Variants in TMEM132D observed in about 807,000 individuals in gnomAD.
TMEM132D encodes the protein mature OL transmembrane protein.
In TMEM132D, 21 loss-of-function variants were observed where a neutral mutation model predicts 62.3. That is an observed-to-expected ratio of 0.34 (90% CI 0.24 to 0.49). The LOEUF (loss-of-function observed/expected upper bound fraction) is 0.49, where lower values mean the gene tolerates loss of function less well. Among genes scored for constraint, TMEM132D ranks in the 20% least tolerant of loss-of-function variants. The pLI, the probability that TMEM132D is intolerant of heterozygous loss-of-function variation, is 0.99. For synonymous variants in TMEM132D, 621 were observed against 575.6 expected (o/e 1.08, Z -1.13); for missense variants, 1,346 against 1,402.8 (o/e 0.96, Z 0.65).
chr12:129,818,206 A>G (rs973029431), intron 1 of TMEM132D, among the ~76,000 whole-genome samples: 4 of 129,116 alleles, frequency 3.1e-5, no homozygotes, highest in African/African-American at 1.2e-4. Context: ...GTGTGTGCCT[A>G]TGAGTGTGTA....
intron 5 of TMEM132D, among the ~76,000 whole-genome samples, chr12:129,143,138 C>T (rs1271179017): frequency 6.6e-6 from 1 of 152,122 alleles, no homozygotes; most frequent in Non-Finnish European, 1.5e-5. Context: ...ACTGTCCTCT[C>T]CTTCCCACCA....
intron 3 of TMEM132D, among the ~76,000 whole-genome samples, chr12:129,349,941 G>A (rs976968774): frequency 3.9e-5 from 6 of 152,170 alleles, no homozygotes; most frequent in Admixed American, 6.5e-5. Context: ...ACTTGGCATG[G>A]AGGTCAGTCT....
chr12:129,380,745 G>T (rs1593357977), intron 3 of TMEM132D, among the ~76,000 whole-genome samples: 1 of 151,814 alleles, frequency 6.6e-6, no homozygotes, highest in South Asian at 2.1e-4. Context: ...CCTAATCCCT[G>T]GCAACCGCTA....
intron 3 of TMEM132D, among the ~76,000 whole-genome samples, chr12:129,382,320 T>G (rs146643607): frequency 3.9e-4 from 59 of 152,342 alleles, no homozygotes; most frequent in African/African-American, 1.4e-3. Context: ...TCCATTAAGT[T>G]GACAAGGAGT....
chr12:129,258,986 A>G (rs58030936), intron 4 of TMEM132D, among the ~76,000 whole-genome samples: 3,831 of 152,222 alleles, frequency 0.025, 161 homozygotes, highest in African/African-American at 0.087. Context: ...GATGTGAGAT[A>G]ATGAGGTAAG....
intron 4 of TMEM132D, among the ~76,000 whole-genome samples, chr12:129,314,018 T>C (rs1868399129): frequency 6.6e-6 from 1 of 152,178 alleles, no homozygotes; most frequent in Non-Finnish European, 1.5e-5. Context: ...CTTTTGAGAA[T>C]TGTCTATTCA....
intron 2 of TMEM132D, among the ~76,000 whole-genome samples, chr12:129,543,872 T>C (rs1391459597): frequency 6.6e-6 from 1 of 152,222 alleles, no homozygotes; most frequent in Non-Finnish European, 1.5e-5. Context: ...CTGAGCAAAA[T>C]CTGCTTGACT....
intron 5 of TMEM132D, among the ~76,000 whole-genome samples, chr12:129,087,269 C>T (rs1464251735): frequency 6.6e-6 from 1 of 151,952 alleles, no homozygotes; most frequent in Non-Finnish European, 1.5e-5. Flanking sequence ...GTCATGTCCT[C>T]CAGGTTCATC....
chr12:129,178,764 A>G (rs1439613250), intron 5 of TMEM132D, among the ~76,000 whole-genome samples: 1 of 152,168 alleles, frequency 6.6e-6, no homozygotes, highest in Non-Finnish European at 1.5e-5. Flanking sequence ...CTCCATGCCT[A>G]TGTATACATG....
intron 1 of TMEM132D, among the ~76,000 whole-genome samples, chr12:129,721,530 A>G (rs1012919497): frequency 2.0e-5 from 3 of 152,148 alleles, no homozygotes; most frequent in Non-Finnish European, 2.9e-5. Context: ...GGGAGGGGCC[A>G]GTGGGCAGAG....
chr12:129,151,179 T>C lies in TMEM132D; in HGVS notation c.1443+58341A>G, dbSNP rs114406619. On this transcript the variant is annotated intron_variant, in intron 5 of 8. Transcript: ENST00000422113. ...GTCCTAATGCAGGGCATGGACTATGTTGACAAATTAGTGAACACAGCCTGC... is the reference window on the plus strand; with the variant it reads ...GTCCTAATGCAGGGCATGGACTATGCTGACAAATTAGTGAACACAGCCTGC... Among the ~76,000 whole-genome samples, 899 of 152,212 alleles carry C rather than the reference T, an allele frequency of 5.9e-3. 10 individuals are homozygous for C. Among genetic ancestry groups the C allele is most frequent in the African/African-American group, 0.02 (818 of 41,530 alleles).
intron 1 of TMEM132D, among the ~76,000 whole-genome samples, chr12:129,834,097 C>G (rs983165350): frequency 6.6e-6 from 1 of 152,124 alleles, no homozygotes; most frequent in Non-Finnish European, 1.5e-5. Context: ...GGATTGTAAC[C>G]GAGTGGCCCA....
intron 2 of TMEM132D, among the ~76,000 whole-genome samples, chr12:129,660,159 G>C (rs1251907647): frequency 6.7e-6 from 1 of 150,194 alleles, no homozygotes; most frequent in Non-Finnish European, 1.5e-5. Flanking sequence ...TATTGTAAAA[G>C]AGAGAGAGAG....
intron 1 of TMEM132D, among the ~76,000 whole-genome samples, chr12:129,862,466 G>A (rs536017112): frequency 6.6e-6 from 1 of 152,292 alleles, no homozygotes; most frequent in African/African-American, 2.4e-5. Context: ...GAGCAAACCT[G>A]CCCTTTCAAT....
intron 5 of TMEM132D, among the ~76,000 whole-genome samples, chr12:129,175,631 C>CTGGGAGG (rs1428084160): frequency 6.6e-6 from 1 of 152,132 alleles, no homozygotes; most frequent in Non-Finnish European, 1.5e-5. Flanking sequence ...TCACTTGAAC[C>CTGGGAGG]TGGGAGGTGG....
At chr12:129,238,694 T>A (rs1229292316) in intron 4 of TMEM132D, among the ~76,000 whole-genome samples, 1 of 152,246 alleles carries the variant, frequency 6.6e-6, no homozygotes, top group Non-Finnish European at 1.5e-5. Context: ...TTCCACTCTA[T>A]GTATAGATCA....
chr12:129,272,392 T>G (rs1880878178), intron 4 of TMEM132D, among the ~76,000 whole-genome samples: 1 of 151,810 alleles, frequency 6.6e-6, no homozygotes, highest in Non-Finnish European at 1.5e-5. Flanking sequence ...CCTACAAGCT[T>G]CACTGGATGA....
intron 4 of TMEM132D, among the ~76,000 whole-genome samples, chr12:129,311,301 G>T (rs929911013): frequency 6.0e-5 from 9 of 150,278 alleles, no homozygotes; most frequent in Non-Finnish European, 1.0e-4. Flanking sequence ...ATAGACACAG[G>T]TATATGTTGT....
intron 1 of TMEM132D, among the ~76,000 whole-genome samples, chr12:129,882,637 G>A (rs1268200228): frequency 6.6e-6 from 1 of 152,128 alleles, no homozygotes; most frequent in African/African-American, 2.4e-5. Context: ...AAACATGTGA[G>A]ATGATAAATA....
Sources: gnomAD v4.1 joint callset for allele counts (sites outside exome capture counted in the v4.1 genomes callset) on GRCh38, gnomAD v4.1.1 for gene constraint, MANE v1.5 for transcripts, NCBI Gene and HGNC (gene_info 2026-07-23, HGNC 2026-07-21) for gene names.